FRMPD1: variants seen among roughly 807,000 people sequenced by gnomAD.
FRMPD1 encodes FERM and PDZ domain containing 1, also known as FERM and PDZ domain-containing protein 1.
A neutral mutation model predicts 117.8 loss-of-function variants in FRMPD1; 76 were observed. That is an observed-to-expected ratio of 0.65 (90% CI 0.54 to 0.78). The LOEUF (loss-of-function observed/expected upper bound fraction) is 0.78. Among genes scored for constraint, FRMPD1 ranks in the 30% least tolerant of loss-of-function variants. The pLI is 0.00. For missense variants in FRMPD1, 1,786 were observed against 1,964.5 expected, an observed-to-expected ratio of 0.91 and a Z score of 1.72; for synonymous variants, 783 against 770.4, an observed-to-expected ratio of 1.02 and a Z score of -0.27.
At chr9:37,649,314 A>G (rs765814689), upstream of FRMPD1, among the ~76,000 whole-genome samples, 12 of 152,236 alleles carry the variant, frequency 7.9e-5, no homozygotes, top group Non-Finnish European at 1.8e-4. Flanking sequence ...AGAGAGCCAG[A>G]ATACTTGATT....
the FRMPD1 span, among the ~76,000 whole-genome samples, chr9:37,621,351 G>A: frequency 6.6e-6 from 1 of 152,200 alleles, no homozygotes; most frequent in African/African-American, 2.4e-5. Context: ...ACAGGATTTA[G>A]CAGAAAGTGG....
At chr9:37,697,855 G>A (rs1378449580) in intron 2 of FRMPD1, among the ~76,000 whole-genome samples, 3 of 152,302 alleles carry the variant, frequency 2.0e-5, no homozygotes, top group Non-Finnish European at 2.9e-5. Flanking sequence ...GGTGGCTCAC[G>A]CCTGTAATCC....
the FRMPD1 span, among the ~76,000 whole-genome samples, chr9:37,604,194 G>GA: frequency 2.6e-5 from 4 of 151,830 alleles, no homozygotes; most frequent in Non-Finnish European, 4.4e-5. Flanking sequence ...TAATCTAAGT[G>GA]AAAAAAAATC....
Position 37,746,821 on chromosome 9 carries a change from C to T in FRMPD1, c.*52C>T. On this transcript the variant is annotated 3_prime_UTR_variant, in exon 16 of 16. Coordinates refer to ENST00000377765, the MANE Select transcript of FRMPD1 (RefSeq NM_014907.3). Reference sequence around the variant, plus strand: ...GCCCTGTCCTGCCTTGGACACTTCCCTGAGAAGCCCCTTCCACTCTCCCAC... The same window carrying T: ...GCCCTGTCCTGCCTTGGACACTTCCTTGAGAAGCCCCTTCCACTCTCCCAC... 1 of 1,250,254 alleles carries T rather than the reference C, an allele frequency of 8.0e-7. No homozygotes were observed. The highest frequency in any genetic ancestry group is 1.8e-5 in the Admixed American group (1 of 54,776). 77.4% of individuals were successfully genotyped at this position (1,250,254 alleles called of 1,614,324 possible). A position where few individuals can be genotyped will look rare whatever the true frequency, so the allele number is the denominator to read the frequency against.
chr9:37,727,156 T>C (rs1188164282), intron 7 of FRMPD1, among the ~76,000 whole-genome samples: 1 of 152,102 alleles, frequency 6.6e-6, no homozygotes. Context: ...CTTGAGAGTC[T>C]TGAATATTAA....
rs761555853 is a variant in FRMPD1 at position 37,744,951 on chromosome 9, C to T, written c.2919C>T (p.Asn973=). ...SSSASTPHCS[N]PGSSGPDTAQ... The stretch of plus-strand genomic sequence containing the variant: ...CAGCAAGCACTCCTCACTGTTCTAA[C>T]CCAGGTTCATCTGGCCCAGATACTG... Residue 973 remains asparagine (N), a synonymous_variant, in exon 16 of 16, where the codon AAC becomes AAT. Coordinates refer to ENST00000377765, the MANE Select transcript of FRMPD1 (RefSeq NM_014907.3). The T allele has an allele frequency of 2.7e-5, 44 of 1,614,098 alleles. No individual in the cohort carries two copies. In the Middle Eastern group the frequency reaches 4.9e-4, roughly 18 times the overall value.
At chr9:37,731,794 A>G (rs1226910548) in intron 9 of FRMPD1, among the ~76,000 whole-genome samples, 1 of 151,802 alleles carries the variant, frequency 6.6e-6, no homozygotes, top group Non-Finnish European at 1.5e-5. Context: ...AATCACTTGA[A>G]CCTTGGAGGT....
In FRMPD1 at chr9:37,663,853, A is replaced by G. The variant is rs150971481; in HGVS notation, c.-5+12759A>G. ...ACTTATAATACCTAATAGAGTGTAA[A>G]TGCTATGTAAATAGTTGTTATACTG... On this transcript the variant is annotated intron_variant, in intron 1 of 15. Transcript: ENST00000377765. Among the ~76,000 whole-genome samples, 744 of 152,332 alleles carry G rather than the reference A, an allele frequency of 4.9e-3. 5 individuals are homozygous for G. The highest frequency in any genetic ancestry group is 0.016 in the African/African-American group (675 of 41,572).
intron 5 of FRMPD1, among the ~76,000 whole-genome samples, chr9:37,713,991 G>C (rs1370855448): frequency 1.3e-5 from 2 of 152,144 alleles, no homozygotes; most frequent in African/African-American, 4.8e-5. Context: ...TCTCCTCTCT[G>C]TATTTGACAA....
At chr9:37,724,156 AG>A in intron 6 of FRMPD1, 68 bp from the exon 7 acceptor site, 1 of 793,000 alleles carries the variant, frequency 1.3e-6, no homozygotes, top group Non-Finnish European at 2.2e-6. Context: ...CCTGGGTGAC[AG>A]AGAGAGACCC....
At position 37,746,399 on chromosome 9, in the gene FRMPD1, C is replaced by A. The variant is rs1236494289; in HGVS notation, c.4367C>A (p.Thr1456Asn). The A allele has an allele frequency of 3.1e-6, 5 of 1,613,102 alleles. No individual in the cohort carries two copies. The highest frequency in any genetic ancestry group is 4.2e-6 in the Non-Finnish European group (5 of 1,179,884). ...HPPEKCTWHF[T>N]ESRSRLCMGS... ...CCAGAGAAGTGCACCTGGCACTTTA[C>A]CGAAAGCCGGAGCCGCCTCTGCATG... is the stretch of plus-strand genomic sequence containing the variant. Residue 1456 changes from threonine to asparagine, a missense_variant, in exon 16 of 16, where the codon ACC becomes AAC. Transcript: ENST00000377765.
chr9:37,731,415 C>T (rs948976938), intron 9 of FRMPD1, among the ~76,000 whole-genome samples: 2 of 152,118 alleles, frequency 1.3e-5, no homozygotes, highest in Admixed American at 6.5e-5. Flanking sequence ...TTTAAAACCT[C>T]GTTTTAGAAT....
chr9:37,637,325 A>G, the FRMPD1 span: 3 of 1,074,218 alleles, frequency 2.8e-6, no homozygotes, highest in Non-Finnish European at 4.3e-6. Flanking sequence ...AGTCGCTCCC[A>G]GTCGGCTCTG....
chr9:37,665,213 C>G (rs1016349172), intron 1 of FRMPD1, among the ~76,000 whole-genome samples: 1 of 152,110 alleles, frequency 6.6e-6, no homozygotes, highest in Non-Finnish European at 1.5e-5. Context: ...TCTTTTCACA[C>G]AAAAAGACTG....
intron 3 of FRMPD1, among the ~76,000 whole-genome samples, chr9:37,707,949 A>AT (rs1342797916): frequency 6.6e-6 from 1 of 152,250 alleles, no homozygotes; most frequent in East Asian, 1.9e-4. Flanking sequence ...ATTTGTTTTC[A>AT]TTTGAACCTT....
chr9:37,717,381 ATT>A (rs61705193), intron 5 of FRMPD1, among the ~76,000 whole-genome samples: 6,778 of 113,866 alleles, frequency 0.06, 257 homozygotes, highest in Middle Eastern at 0.12. Context: ...ATATATATAT[ATT>A]TTTTTTTTTT....
At chr9:37,674,579 A>G (rs1821460928) in intron 1 of FRMPD1, among the ~76,000 whole-genome samples, 1 of 152,152 alleles carries the variant, frequency 6.6e-6, no homozygotes, top group Non-Finnish European at 1.5e-5. Flanking sequence ...GTCTGTTTTC[A>G]TGCTGCTGAT....
At chr9:37,645,175 T>A in the FRMPD1 span, among the ~76,000 whole-genome samples, 1 of 151,700 alleles carries the variant, frequency 6.6e-6, no homozygotes, top group African/African-American at 2.4e-5. Context: ...CTGAACCCAG[T>A]CCTATCTTTT....
the FRMPD1 span, among the ~76,000 whole-genome samples, chr9:37,607,280 C>A: frequency 1.3e-5 from 2 of 152,210 alleles, no homozygotes; most frequent in East Asian, 3.9e-4. Context: ...CACACCACTG[C>A]ACTCCAGCCT....
Sources: allele counts gnomAD v4.1 joint callset (sites outside exome capture counted in the v4.1 genomes callset), GRCh38; gene constraint gnomAD v4.1.1; transcripts MANE v1.5; gene names NCBI Gene and HGNC (gene_info 2026-07-23, HGNC 2026-07-21).